The following CASP9 variants were observed in gnomAD, a reference collection of about 807,000 sequenced individuals.
CASP9 encodes caspase-9.
A neutral mutation model predicts 43.5 loss-of-function variants in CASP9; 29 were observed. The ratio of observed to expected loss-of-function variants is 0.67; its 90% CI spans 0.50 to 0.91. The LOEUF is 0.91. Ranked by LOEUF, CASP9 falls within the 40% of genes least tolerant of loss-of-function variation. The pLI is 0.00. For missense variants in CASP9, 575 were observed against 537.4 expected, an observed-to-expected ratio of 1.07 and a Z score of -0.69; for synonymous variants, 206 against 211.9, an observed-to-expected ratio of 0.97 and a Z score of 0.24.
chr1:15,501,311 G>GT (rs1557538957), intron 6 of CASP9, among the ~76,000 whole-genome samples: 1 of 152,202 alleles, frequency 6.6e-6, no homozygotes, highest in East Asian at 1.9e-4. Flanking sequence ...TTCAGCCCTG[G>GT]TGCTGTTACC....
At chr1:15,513,501 C>T (rs1166973628) in intron 2 of CASP9, among the ~76,000 whole-genome samples, 3 of 152,108 alleles carry the variant, frequency 2.0e-5, no homozygotes, top group Non-Finnish European at 4.4e-5. Flanking sequence ...TATACAAAGA[C>T]AAAGCCACTC....
At chr1:15,493,832 G>A (rs1241327205) in intron 8 of CASP9, 60 bp downstream of exon 8, 8 of 1,548,502 alleles carry the variant, frequency 5.2e-6, no homozygotes, top group Non-Finnish European at 6.1e-6. Flanking sequence ...CCCAGCCCCA[G>A]GAGGACACGC....
chr1:15,524,671 G>A (rs1320234698), upstream of CASP9: 2 of 1,004,532 alleles, frequency 2.0e-6, no homozygotes, highest in Non-Finnish European at 2.3e-6. Context: ...TCGCTCTTGC[G>A]TCACCGCCTC....
At chr1:15,505,834 G>A (rs1352177908) in intron 5 of CASP9, among the ~76,000 whole-genome samples, 156 bp downstream of exon 5, 1 of 152,200 alleles carries the variant, frequency 6.6e-6, no homozygotes, top group Non-Finnish European at 1.5e-5. Context: ...GGACCACATG[G>A]CTCCCAAGAA....
chr1:15,491,724 C>T lies in CASP9; in HGVS notation c.*1219G>A, dbSNP rs148214507. ...AATAAGCCAAGATTGCGTCATTGCA[C>T]TCCAGCCTGGGCGACAGAGTGAGAC... On this transcript the variant is annotated 3_prime_UTR_variant, in exon 9 of 9. Coordinates refer to ENST00000333868, the MANE Select transcript of CASP9 (RefSeq NM_001229.5). 194 of 185,948 alleles carry T rather than the reference C, an allele frequency of 1.0e-3. 3 individuals carry two copies. In the East Asian group the frequency reaches 0.023, roughly 22 times the overall value. 11.5% of individuals were successfully genotyped at this position (185,948 alleles called of 1,614,324 possible).
In CASP9 at chr1:15,524,060, G is replaced by GGGGCGGT; in HGVS notation, c.132+8_132+9insACCGCCC. On this transcript the variant is annotated intron_variant, in intron 1 of 8. Coordinates refer to ENST00000333868, the MANE Select transcript of CASP9 (RefSeq NM_001229.5). ...CGTGCAGCGCGGGGACAGGGGGCCG[G>GGGGCGGT]GGGCGCACCTGGATGTCCTCGATCA... is the stretch of plus-strand genomic sequence containing the variant. The GGGGCGGT allele has an allele frequency of 6.7e-7, 1 of 1,494,416 alleles. No homozygotes were observed. The highest frequency in any genetic ancestry group is 2.8e-5 in the East Asian group (1 of 35,750). 92.6% of individuals were successfully genotyped at this position (1,494,416 alleles called of 1,614,324 possible). A position where few individuals can be genotyped will look rare whatever the true frequency, so the allele number is the denominator to read the frequency against.
At position 15,524,088 on chromosome 1, in the gene CASP9, T is replaced by C. The variant is rs1169017356; in HGVS notation, c.113A>G (p.His38Arg). 1.3e-6 allele frequency: 2 copies of C among 1,528,192 alleles called. No individual in the cohort carries two copies. Among genetic ancestry groups the C allele is most frequent in the Admixed American group, 2.0e-5 (1 of 49,682 alleles). The allele number at this position is 1,528,192 out of a possible 1,614,324, so 94.7% of individuals were successfully genotyped here. Residue 38 changes from histidine (H) to arginine (R), a missense_variant, in exon 1 of 9, where the codon CAT (histidine) becomes CGT (arginine). His to Arg is a conservative substitution (Grantham distance 29, BLOSUM62 0). Coordinates refer to ENST00000333868, the MANE Select transcript of CASP9 (RefSeq NM_001229.5). ...GCGCACCTGGATGTCCTCGATCATA[T>C]GGGGCCTGAACAGCTCGCGGCTCAG... The part of the protein sequence containing the change: ...ALLSRELFRP[H>R]MIEDIQRAGS...
In CASP9 at chr1:15,492,868, A is replaced by G; in HGVS notation, c.*75T>C. The G allele has an allele frequency of 6.3e-7, 1 of 1,582,322 alleles. No homozygotes were observed. Among genetic ancestry groups the G allele is most frequent in the Middle Eastern group, 1.8e-4 (1 of 5,654 alleles). On this transcript the variant is annotated 3_prime_UTR_variant, in exon 9 of 9. Transcript: ENST00000333868. The stretch of plus-strand genomic sequence containing the variant: ...AAGTCCTTGAGTTGCAGGAAAGTCC[A>G]GGCCTCAGCCTCTTTCAGGCCTGGG...
chr1:15,497,462 G>A (rs1353718099), intron 6 of CASP9, among the ~76,000 whole-genome samples: 3 of 151,980 alleles, frequency 2.0e-5, no homozygotes, highest in Non-Finnish European at 4.4e-5. Context: ...AGCCAACATG[G>A]TGAAACCCCG....
intron 6 of CASP9, among the ~76,000 whole-genome samples, chr1:15,503,413 A>C (rs954549732): frequency 6.6e-5 from 10 of 152,192 alleles, no homozygotes; most frequent in Admixed American, 6.5e-4. Context: ...ATCCAGGGTT[A>C]ATCAAGTGTT....
intron 1 of CASP9, among the ~76,000 whole-genome samples, chr1:15,520,465 C>G (rs1710140929): frequency 6.6e-6 from 1 of 152,218 alleles, no homozygotes; most frequent in Non-Finnish European, 1.5e-5. Flanking sequence ...TAATATTACT[C>G]TTTGTTGCAT....
At position 15,512,688 on chromosome 1, in the gene CASP9, CA is replaced by C. The variant is rs201292407; in HGVS notation, c.419-4782del. Among the ~76,000 whole-genome samples the C allele has an allele frequency of 3.9e-3, 595 of 151,644 alleles. 28 individuals carry two copies. The highest frequency in any genetic ancestry group is 0.035 in the Admixed American group (537 of 15,188). ...ATAAAGATATATATATATACACACA[CA>C]AAAAAAATGCATATATCTTTCTATA... On this transcript the variant is annotated intron_variant, in intron 2 of 8. Transcript: ENST00000333868.
At chr1:15,509,283 G>A (rs552327682) in intron 2 of CASP9, among the ~76,000 whole-genome samples, 6 of 152,160 alleles carry the variant, frequency 3.9e-5, no homozygotes, top group South Asian at 2.1e-4. Context: ...TACCCCAGAC[G>A]AGTGACACCG....
At chr1:15,505,894 G>T in intron 5 of CASP9, 96 bp downstream of exon 5, 1 of 970,466 alleles carries the variant, frequency 1.0e-6, no homozygotes, top group Non-Finnish European at 1.7e-6. Flanking sequence ...CAAAGCCAAG[G>T]GTGTTTTGGA....
chr1:15,501,016 T>C (rs1709309109), intron 6 of CASP9, among the ~76,000 whole-genome samples: 1 of 152,186 alleles, frequency 6.6e-6, no homozygotes, highest in African/African-American at 2.4e-5. Flanking sequence ...GCTTGGTTCT[T>C]GGAGAGCCTC....
At chr1:15,504,205 C>A (rs1167117515) in intron 6 of CASP9, among the ~76,000 whole-genome samples, 1 of 152,176 alleles carries the variant, frequency 6.6e-6, no homozygotes, top group East Asian at 1.9e-4. Flanking sequence ...TATTTAAATT[C>A]TTTGGTTTCT....
At chr1:15,494,036 G>A (rs1431866863) in intron 7 of CASP9, 35 bp from the exon 8 acceptor site, 1 of 1,547,714 alleles carries the variant, frequency 6.5e-7, no homozygotes, top group Admixed American at 1.9e-5. Flanking sequence ...CTGCTGGAGA[G>A]CCACCCCTCC....
rs375152389 is a variant in CASP9 at position 15,506,501 on chromosome 1, G to A, written c.630+398C>T. Among the ~76,000 whole-genome samples the A allele has an allele frequency of 9.9e-5, 15 of 151,534 alleles. No homozygotes were observed. In the East Asian group the frequency reaches 2.1e-3, roughly 22 times the overall value. On this transcript the variant is annotated intron_variant, in intron 4 of 8. Coordinates refer to ENST00000333868, the MANE Select transcript of CASP9 (RefSeq NM_001229.5). ...AAACAACAAAGGGCCCAACCCAAAC[G>A]CCTGGGCAGAGCACTTTCTCGGTTT...
At chr1:15,523,808 C>T (rs1436696969) in intron 1 of CASP9, among the ~76,000 whole-genome samples, 1 of 152,246 alleles carries the variant, frequency 6.6e-6, no homozygotes, top group Non-Finnish European at 1.5e-5. Flanking sequence ...TTCTCCAATT[C>T]ATGAATTGTT....
Sources: gnomAD v4.1 joint callset for allele counts (sites outside exome capture counted in the v4.1 genomes callset) on GRCh38, gnomAD v4.1.1 for gene constraint, MANE v1.5 for transcripts, NCBI Gene and HGNC (gene_info 2026-07-23, HGNC 2026-07-21) for gene names.